The following SYT9 variants were observed in gnomAD, a reference collection of about 807,000 sequenced individuals.
SYT9 encodes synaptotagmin 9, also known as synaptotagmin-9.
Under a neutral mutation model 48.4 loss-of-function variants are expected in SYT9, and 22 were observed. That is an observed-to-expected ratio of 0.45 (90% CI 0.32 to 0.65). The LOEUF (loss-of-function observed/expected upper bound fraction) is 0.65, where lower values mean the gene tolerates loss of function less well. SYT9 is among the 30% of genes least tolerant of loss of function. SYT9 has a pLI of 0.03. For synonymous variants in SYT9, 265 were observed against 245.0 expected (o/e 1.08, Z -0.76); for missense variants, 577 against 622.0 (o/e 0.93, Z 0.77).
intron 6 of SYT9, among the ~76,000 whole-genome samples, chr11:7,464,606 A>G (rs1848296372): frequency 6.6e-6 from 1 of 152,164 alleles, no homozygotes; most frequent in South Asian, 2.1e-4. Context: ...ATGAAGGAAT[A>G]TGGGCTGATA....
chr11:7,250,876 C>A (rs904862280), upstream of SYT9, among the ~76,000 whole-genome samples: 1 of 151,296 alleles, frequency 6.6e-6, no homozygotes, highest in African/African-American at 2.4e-5. Flanking sequence ...GGCCTGAACA[C>A]CAGTATTACA....
In SYT9 at chr11:7,346,044, G is replaced by C. The variant is rs561545575; in HGVS notation, c.1044+32103G>C. On this transcript the variant is annotated intron_variant, in intron 3 of 6. Transcript: ENST00000318881. ...GCTACATTGAAGTTGATGAAGAAAG[G>C]ACTGAAAAGAACCCACTGGATTATG... Among the ~76,000 whole-genome samples the C allele has an allele frequency of 3.9e-5, 6 of 152,278 alleles. No homozygotes were observed. In the South Asian group the frequency reaches 1.0e-3, roughly 26 times the overall value.
At chr11:7,285,166 A>T (rs1312435333) in intron 1 of SYT9, among the ~76,000 whole-genome samples, 2 of 152,110 alleles carry the variant, frequency 1.3e-5, no homozygotes, top group African/African-American at 4.8e-5. Context: ...CCTTTCCATG[A>T]CTGTATTAGT....
intron 3 of SYT9, among the ~76,000 whole-genome samples, chr11:7,403,413 A>C (rs1448489434): frequency 6.6e-6 from 1 of 152,124 alleles, no homozygotes; most frequent in East Asian, 1.9e-4. Context: ...ATATCCAGGC[A>C]TGGTGACATG....
intron 6 of SYT9, among the ~76,000 whole-genome samples, chr11:7,432,577 AAAAAAATATATATACATATAT>A (rs1847614908): frequency 9.8e-4 from 9 of 9,182 alleles, no homozygotes; most frequent in African/African-American, 1.1e-3. Context: ...AAAAAAAAAA[AAAAAAATATATATACATATAT>A]ATATATATAT....
intron 3 of SYT9, among the ~76,000 whole-genome samples, chr11:7,378,459 A>C (rs1413460696): frequency 6.6e-5 from 10 of 152,004 alleles, no homozygotes; most frequent in African/African-American, 2.2e-4. Flanking sequence ...CTGAAGGAAA[A>C]GAGTTGTAAT....
chr11:7,257,237 A>G (rs548351308), intron 1 of SYT9, among the ~76,000 whole-genome samples: 2 of 152,318 alleles, frequency 1.3e-5, no homozygotes, highest in South Asian at 4.1e-4. Context: ...ATCAAAAACT[A>G]GGAACCTTGA....
rs1208130742 is a variant in SYT9 at position 7,252,151 on chromosome 11, C to T, written c.-36C>T. 2.2e-6 allele frequency: 3 copies of T among 1,390,858 alleles called. No individual in the cohort carries two copies. Among genetic ancestry groups the T allele is most frequent in the Non-Finnish European group, 2.8e-6 (3 of 1,076,610 alleles). The allele number at this position is 1,390,858 out of a possible 1,614,324, so 86.2% of individuals were successfully genotyped here. A position where few individuals can be genotyped will look rare whatever the true frequency, so the allele number is the denominator to read the frequency against. On this transcript the variant is annotated 5_prime_UTR_variant, in exon 1 of 7. Coordinates refer to ENST00000318881, the MANE Select transcript of SYT9 (RefSeq NM_175733.4). The surrounding 1 kb of genome is among the most constrained non-coding windows in gnomAD (Gnocchi z 6.3). The stretch of plus-strand genomic sequence containing the variant: ...CAGGCGGAGGGCTGTCTCCTGCGCC[C>T]GCCTGCCCGGCGCGGTCCGAGGATG...
At chr11:7,302,946 T>G in intron 1 of SYT9, 93 bp from the exon 2 acceptor site, 1 of 1,174,448 alleles carries the variant, frequency 8.5e-7, no homozygotes, top group Non-Finnish European at 1.2e-6. Flanking sequence ...TCCCAAGGGA[T>G]GAGTGGATGA....
chr11:7,381,630 T>G (rs546561008), intron 3 of SYT9, among the ~76,000 whole-genome samples: 11 of 152,282 alleles, frequency 7.2e-5, no homozygotes, highest in African/African-American at 2.4e-4. Flanking sequence ...CTGCCAAATG[T>G]ACCACACCTT....
chr11:7,368,962 T>C (rs1276950636), intron 3 of SYT9, among the ~76,000 whole-genome samples: 2 of 152,218 alleles, frequency 1.3e-5, no homozygotes. Flanking sequence ...TGTGTCTTTC[T>C]AGTAGAGTGA....
intron 1 of SYT9, among the ~76,000 whole-genome samples, chr11:7,288,304 T>A (rs1014993333): frequency 5.0e-5 from 7 of 141,072 alleles, no homozygotes; most frequent in African/African-American, 1.3e-4. Flanking sequence ...AAAAAAAAAC[T>A]CTTCATCTAC....
At chr11:7,455,161 T>A (rs1037330941) in intron 6 of SYT9, among the ~76,000 whole-genome samples, 2 of 151,620 alleles carry the variant, frequency 1.3e-5, no homozygotes, top group African/African-American at 4.9e-5. Flanking sequence ...TGTATCCTCT[T>A]TTCAAACACA....
chr11:7,242,316 T>C (rs756160728), intron 1 of SYT9, among the ~76,000 whole-genome samples: 17 of 152,160 alleles, frequency 1.1e-4, no homozygotes, highest in Non-Finnish European at 1.6e-4. Context: ...GCTCTGTGCT[T>C]TTCCCTGGAC....
intron 3 of SYT9, among the ~76,000 whole-genome samples, chr11:7,348,714 T>TTTTTTTTTTTTTTTTTTTTTTTTTTTTTA (rs1480033285): frequency 7.1e-6 from 1 of 141,212 alleles, no homozygotes; most frequent in Non-Finnish European, 1.5e-5. Flanking sequence ...TTTTTTTTTT[T>TTTTTTTTTTTTTTTTTTTTTTTTTTTTTA]TTTGTATTTT....
rs1324958229 is a variant in SYT9 at position 7,467,230 on chromosome 11, G to T, written c.*430G>T. The T allele has an allele frequency of 6.2e-6, 1 of 161,770 alleles. No individual in the cohort carries two copies. Among genetic ancestry groups the T allele is most frequent in the East Asian group, 1.7e-4 (1 of 5,756 alleles). 10.0% of individuals were successfully genotyped at this position (161,770 alleles called of 1,614,324 possible). On this transcript the variant is annotated 3_prime_UTR_variant, in exon 7 of 7. Coordinates refer to ENST00000318881, the MANE Select transcript of SYT9 (RefSeq NM_175733.4). ...ACAGAATATTTAAAAATATATCCAG[G>T]TGCTAAATAGGCAGCAGATCTCAAT...
intron 1 of SYT9, among the ~76,000 whole-genome samples, chr11:7,301,358 A>G (rs2133934528): frequency 6.6e-6 from 1 of 152,344 alleles, no homozygotes. Flanking sequence ...CAGTTTTATC[A>G]ATTCACAAGA....
chr11:7,239,314 T>C (rs1847716660), intron 1 of SYT9, among the ~76,000 whole-genome samples: 1 of 152,188 alleles, frequency 6.6e-6, no homozygotes, highest in South Asian at 2.1e-4. Flanking sequence ...AGCCTGGGTC[T>C]TTCCCTGGGT....
chr11:7,388,457 T>A (rs560293925), intron 3 of SYT9, among the ~76,000 whole-genome samples: 1 of 152,144 alleles, frequency 6.6e-6, no homozygotes, highest in Non-Finnish European at 1.5e-5. Context: ...TTTGGCTCGT[T>A]AATCTTCCCT....
Sources: gnomAD v4.1 joint callset for allele counts (sites outside exome capture counted in the v4.1 genomes callset) on GRCh38, gnomAD v4.1.1 for gene constraint, Gnocchi (gnomAD v3.1) non-coding constraint, MANE v1.5 for transcripts, NCBI Gene and HGNC (gene_info 2026-07-23, HGNC 2026-07-21) for gene names.